SH3PXD2A: variants seen among roughly 807,000 people sequenced by gnomAD.
SH3PXD2A encodes SH3 and PX domains 2A.
SH3PXD2A carries 32 observed loss-of-function variants against 115.2 expected under a neutral mutation model. The ratio of observed to expected loss-of-function variants is 0.28; its 90% CI spans 0.21 to 0.37. SH3PXD2A has a LOEUF of 0.37. SH3PXD2A is among the 10% of genes least tolerant of loss of function. The pLI is 1.00. For missense variants in SH3PXD2A, 1,328 were observed against 1,498.7 expected (o/e 0.89, Z 1.88); for synonymous variants, 610 against 629.1 (o/e 0.97, Z 0.45).
At chr10:103,816,997 A>ATT (rs56260224) in intron 1 of SH3PXD2A, among the ~76,000 whole-genome samples, 3,495 of 99,480 alleles carry the variant, frequency 0.035, 99 homozygotes, top group Middle Eastern at 0.063. Context: ...CACCCGGCTA[A>ATT]TTTTTTTTTT....
At chr10:103,771,400 C>T (rs960851901) in intron 2 of SH3PXD2A, among the ~76,000 whole-genome samples, 3 of 152,124 alleles carry the variant, frequency 2.0e-5, no homozygotes, top group African/African-American at 4.8e-5. Context: ...CCCCAAGAAC[C>T]GTTTCTGTAT....
At chr10:103,706,004 GAAAAA>G (rs58668048) in intron 5 of SH3PXD2A, among the ~76,000 whole-genome samples, 2 of 96,440 alleles carry the variant, frequency 2.1e-5, no homozygotes, top group African/African-American at 3.6e-5. Context: ...GTCTCAAAAA[GAAAAA>G]AAAAAAAAAA....
At chr10:103,659,881 C>A (rs1354938336) in intron 8 of SH3PXD2A, among the ~76,000 whole-genome samples, 1 of 152,196 alleles carries the variant, frequency 6.6e-6, no homozygotes, top group African/African-American at 2.4e-5. Context: ...ATCTCCACAG[C>A]TCCTGGCCAC....
intron 6 of SH3PXD2A, among the ~76,000 whole-genome samples, chr10:103,681,055 G>A (rs2037601784): frequency 6.6e-6 from 1 of 152,176 alleles, no homozygotes; most frequent in Non-Finnish European, 1.5e-5. Flanking sequence ...TCTGGCCGTG[G>A]GCCACGGTGG....
intron 1 of SH3PXD2A, among the ~76,000 whole-genome samples, chr10:103,841,622 C>T (rs2039599124): frequency 1.3e-5 from 2 of 152,126 alleles, no homozygotes; most frequent in Admixed American, 1.3e-4. Context: ...CAACGTGACC[C>T]TTTTCCCTAT....
intron 5 of SH3PXD2A, among the ~76,000 whole-genome samples, chr10:103,706,164 T>C (rs759657240): frequency 2.6e-5 from 4 of 152,178 alleles, no homozygotes; most frequent in African/African-American, 7.2e-5. Context: ...ACAGCGTCCA[T>C]GACCACATGC....
chr10:103,617,251 T>A lies in SH3PXD2A; in HGVS notation c.866A>T (p.Lys289Met). ...CCGGATCACCTCCACTGTGACGCCC[T>A]TCTCAAAGCCAATCTCGTCCTTGCT... ...SQSKDEIGFE[K>M]GVTVEVIRKN... Residue 289 changes from lysine to methionine, a missense_variant, in exon 11 of 15, where the codon AAG becomes ATG. Physicochemically the swap from Lys to Met is moderately conservative, Grantham distance 95. This residue lies in a region of SH3PXD2A where 509 missense variants were observed against 628.3 expected (regional missense o/e 0.81). Transcript: ENST00000369774. 1 of 1,614,228 alleles carries A rather than the reference T, an allele frequency of 6.2e-7. No homozygotes were observed.
chr10:103,820,494 AG>A (rs2039367402), intron 1 of SH3PXD2A, among the ~76,000 whole-genome samples: 1 of 152,154 alleles, frequency 6.6e-6, no homozygotes, highest in African/African-American at 2.4e-5. Flanking sequence ...AGGTGAGAGG[AG>A]AAACACACAG....
At chr10:103,745,767 C>T (rs1019928896) in intron 3 of SH3PXD2A, among the ~76,000 whole-genome samples, 3 of 152,192 alleles carry the variant, frequency 2.0e-5, no homozygotes, top group Non-Finnish European at 2.9e-5. Context: ...CCTGATTCAC[C>T]CAACCCATAA....
At chr10:103,770,731 A>C in intron 2 of SH3PXD2A, among the ~76,000 whole-genome samples, 1 of 151,686 alleles carries the variant, frequency 6.6e-6, no homozygotes, top group East Asian at 1.9e-4. Context: ...TGACAGGGGG[A>C]CCAGCTCCGG....
chr10:103,684,532 G>A (rs1006475815), intron 6 of SH3PXD2A, among the ~76,000 whole-genome samples: 1 of 151,642 alleles, frequency 6.6e-6, no homozygotes, highest in African/African-American at 2.4e-5. Context: ...CTAATTTTTC[G>A]TATTTTTAGT....
chr10:103,703,634 A>C (rs1332416695), intron 5 of SH3PXD2A, among the ~76,000 whole-genome samples: 1 of 152,242 alleles, frequency 6.6e-6, no homozygotes, highest in Admixed American at 6.5e-5. Flanking sequence ...TAATGGAAAT[A>C]GTCTCTATCT....
At chr10:103,742,140 CTG>C (rs759781162) in intron 3 of SH3PXD2A, among the ~76,000 whole-genome samples, 4 of 152,188 alleles carry the variant, frequency 2.6e-5, no homozygotes, top group Non-Finnish European at 5.9e-5. Context: ...CATAGTGAGA[CTG>C]TCTCAAATCA....
intron 1 of SH3PXD2A, among the ~76,000 whole-genome samples, chr10:103,803,795 C>T (rs1013522936): frequency 2.0e-5 from 3 of 152,214 alleles, no homozygotes; most frequent in Admixed American, 6.5e-5. Context: ...GACACACCTG[C>T]GACACAGCTT....
intron 13 of SH3PXD2A, among the ~76,000 whole-genome samples, chr10:103,607,874 A>G (rs1315530205): frequency 6.6e-6 from 1 of 152,136 alleles, no homozygotes. Flanking sequence ...GCTCTCTGAA[A>G]CATGTGCTGT....
chr10:103,820,074 T>C (rs1483339617), intron 1 of SH3PXD2A, among the ~76,000 whole-genome samples: 1 of 152,154 alleles, frequency 6.6e-6, no homozygotes, highest in African/African-American at 2.4e-5. Flanking sequence ...GCAGGGAGCG[T>C]TAGCGACTTT....
Position 103,603,118 on chromosome 10 carries a change from G to C in SH3PXD2A, c.2100C>G (p.Cys700Trp). 1 of 1,613,190 alleles carries C rather than the reference G, an allele frequency of 6.2e-7. No individual in the cohort carries two copies. Among genetic ancestry groups the C allele is most frequent in the Non-Finnish European group, 8.5e-7 (1 of 1,179,982 alleles). Residue 700 changes from cysteine to tryptophan, a missense_variant, in exon 15 of 15, where the codon TGC becomes TGG. This residue lies in a region of SH3PXD2A where 574 missense variants were observed against 565.7 expected (regional missense o/e 1.01). Transcript: ENST00000369774. ...AGGAGGAGGAGGAAGAGGAGGAGCAGCAAGTGGTGTTGATGGTGATGGATG... is the reference window on the plus strand; with the variant it reads ...AGGAGGAGGAGGAAGAGGAGGAGCACCAAGTGGTGTTGATGGTGATGGATG... ...FSSSITINTT[C>W]CSSSSSSSSS...
intron 5 of SH3PXD2A, among the ~76,000 whole-genome samples, chr10:103,708,366 C>G (rs1197482107): frequency 6.6e-6 from 1 of 152,158 alleles, no homozygotes; most frequent in African/African-American, 2.4e-5. Context: ...CCTGCAGCAC[C>G]AACCAGTGGC....
chr10:103,720,396 G>A (rs1312959968), intron 5 of SH3PXD2A, among the ~76,000 whole-genome samples: 3 of 152,238 alleles, frequency 2.0e-5, no homozygotes, highest in African/African-American at 7.2e-5. Context: ...CTCTCCGCCT[G>A]CAGAAGCCAG....
Sources: gnomAD v4.1 joint callset for allele counts (sites outside exome capture counted in the v4.1 genomes callset) on GRCh38, gnomAD v4.1.1 for gene constraint, gnomAD v4.1.1 regional missense constraint, MANE v1.5 for transcripts, NCBI Gene and HGNC (gene_info 2026-07-23, HGNC 2026-07-21) for gene names.